The following STK17B variants were observed in gnomAD, a reference collection of about 807,000 sequenced individuals.
STK17B encodes serine/threonine kinase 17b, also known as serine/threonine-protein kinase 17B.
STK17B carries 21 observed loss-of-function variants against 42.0 expected under a neutral mutation model. The observed-to-expected ratio is 0.50, with a 90% CI of 0.35 to 0.72. The LOEUF (loss-of-function observed/expected upper bound fraction) is 0.72. Among genes scored for constraint, STK17B ranks in the 30% least tolerant of loss-of-function variants. STK17B has a pLI of 0.00. For synonymous variants in STK17B, 143 were observed against 148.4 expected, an observed-to-expected ratio of 0.96 and a Z score of 0.26; for missense variants, 349 against 446.0, an observed-to-expected ratio of 0.78 and a Z score of 1.96.
intron 3 of STK17B, among the ~76,000 whole-genome samples, chr2:196,150,439 A>C (rs1192091220): frequency 2.0e-5 from 3 of 152,226 alleles, no homozygotes; most frequent in Non-Finnish European, 4.4e-5. Context: ...CAGGTTACAC[A>C]GTCATGAAAA....
At chr2:196,173,686 G>A (rs566323869), upstream of STK17B, among the ~76,000 whole-genome samples, 29 of 152,246 alleles carry the variant, frequency 1.9e-4, no homozygotes, top group African/African-American at 6.0e-4. Context: ...TCATTCCCTT[G>A]AGTAGGAAAT....
Position 196,170,596 on chromosome 2 carries a change from G to A in STK17B, c.-45+737C>T, listed in dbSNP as rs75218828. Among the ~76,000 whole-genome samples, 1,496 of 152,216 alleles carry A rather than the reference G, an allele frequency of 9.8e-3. 25 individuals carry two copies. The highest frequency in any genetic ancestry group is 0.034 in the African/African-American group (1,395 of 41,530). On this transcript the variant is annotated intron_variant, in intron 1 of 7. Transcript: ENST00000263955. ...CTTCTCCCTCGGAGGAAATTCAAAT[G>A]AAACGCTTTTCCCTACAATAAAACA... is the stretch of plus-strand genomic sequence containing the variant.
chr2:196,146,494 A>T (rs534853945), intron 3 of STK17B, among the ~76,000 whole-genome samples: 62 of 152,028 alleles, frequency 4.1e-4, no homozygotes, highest in African/African-American at 1.5e-3. Flanking sequence ...ACAGAGCAAG[A>T]CTCCGTCCCC....
At chr2:196,160,106 G>T (rs1699792182) in intron 2 of STK17B, among the ~76,000 whole-genome samples, 1 of 152,138 alleles carries the variant, frequency 6.6e-6, no homozygotes, top group Non-Finnish European at 1.5e-5. Context: ...AAACATTTAA[G>T]AAAAGTTAAA....
intron 3 of STK17B, chr2:196,153,688 A>C (rs1045399641): frequency 6.6e-6 from 1 of 152,164 alleles, no homozygotes; most frequent in Non-Finnish European, 1.5e-5. Flanking sequence ...TTTGGTGTGC[A>C]TAAAGCAAGG....
At position 196,138,972 on chromosome 2, in the gene STK17B, T is replaced by A. The variant is rs74264943; in HGVS notation, c.836+648A>T. Among the ~76,000 whole-genome samples the A allele has an allele frequency of 9.6e-3, 1,457 of 152,180 alleles. 32 individuals carry two copies. The highest frequency in any genetic ancestry group is 0.07 in the East Asian group (359 of 5,126). ...TTATGTATGTAAAATTATTTTATTT[T>A]ATTTATTTTTTTGAGACGGAGTCTT... is the stretch of plus-strand genomic sequence containing the variant. On this transcript the variant is annotated intron_variant, in intron 7 of 7. Coordinates refer to ENST00000263955, the MANE Select transcript of STK17B (RefSeq NM_004226.4).
chr2:196,140,481 CA>C (rs34814820), intron 6 of STK17B, among the ~76,000 whole-genome samples: 72,983 of 151,042 alleles, frequency 0.48, 20,204 homozygotes, highest in South Asian at 0.64. Context: ...TGGCTAGCTA[CA>C]AAAACTCATA....
chr2:196,149,838 T>C (rs1371390869), intron 3 of STK17B, among the ~76,000 whole-genome samples: 4 of 152,202 alleles, frequency 2.6e-5, no homozygotes, highest in Non-Finnish European at 4.4e-5. Context: ...TGGGTGTTAC[T>C]TTTATAATCA....
rs547004074 is a variant in STK17B at position 196,150,693 on chromosome 2, G to A, written c.336-4638C>T. The stretch of plus-strand genomic sequence containing the variant: ...TAGTCATATAGCTTTGAAAAGCCAT[G>A]GTAAAGATTTTTAAAATAAGCATTT... On this transcript the variant is annotated intron_variant, in intron 3 of 7. Transcript: ENST00000263955. Among the ~76,000 whole-genome samples, 3 of 152,180 alleles carry A rather than the reference G, an allele frequency of 2.0e-5. No homozygotes were observed. The East Asian group carries it at 5.8e-4, about 29-fold the overall frequency.
At chr2:196,156,717 T>C (rs1264301766) in intron 2 of STK17B, 66 bp from the exon 3 acceptor site, 3 of 1,199,710 alleles carry the variant, frequency 2.5e-6, no homozygotes, top group African/African-American at 1.5e-5. Flanking sequence ...ATATTACAGA[T>C]TCTGTTATAC....
chr2:196,156,423 T>C lies in STK17B; in HGVS notation c.335+16A>G. ...TTCATACCAACTAAAATAGGTACTA[T>C]TTAGTATATACTTACTATTCCAATA... On this transcript the variant is annotated intron_variant, in intron 3 of 7. Coordinates refer to ENST00000263955, the MANE Select transcript of STK17B (RefSeq NM_004226.4). 2 of 1,565,196 alleles carry C rather than the reference T, an allele frequency of 1.3e-6. No individual in the cohort carries two copies. The highest frequency in any genetic ancestry group is 1.4e-5 in the African/African-American group (1 of 73,756).
rs1699400107 is a variant in STK17B at position 196,136,100 on chromosome 2, A to C, written c.*1347T>G. On this transcript the variant is annotated 3_prime_UTR_variant, in exon 8 of 8. Coordinates refer to ENST00000263955, the MANE Select transcript of STK17B (RefSeq NM_004226.4). ...GTTAAAGGTCTAAAGGGGGAACATCAGGTTGTTGTTACCATTTGTCAAACT... is the reference window on the plus strand; with the variant it reads ...GTTAAAGGTCTAAAGGGGGAACATCCGGTTGTTGTTACCATTTGTCAAACT... The C allele has an allele frequency of 6.6e-6, 1 of 152,234 alleles. No individual in the cohort carries two copies. The highest frequency in any genetic ancestry group is 1.5e-5 in the Non-Finnish European group (1 of 68,044). The allele number at this position is 152,234 out of a possible 1,614,324, so 9.4% of individuals were successfully genotyped here.
intron 7 of STK17B, 82 bp from the exon 8 acceptor site, chr2:196,137,811 T>C (rs189269729): frequency 1.4e-6 from 2 of 1,446,652 alleles, no homozygotes; most frequent in African/African-American, 2.9e-5. Flanking sequence ...TATAGACATA[T>C]TTTTTACTTC....
intron 3 of STK17B, chr2:196,154,812 T>C (rs573742848): frequency 6.6e-6 from 1 of 152,220 alleles, no homozygotes; most frequent in Non-Finnish European, 1.5e-5. Flanking sequence ...GGCATAGTAA[T>C]TAAGCCGAAG....
intron 3 of STK17B, 35 bp from the exon 4 acceptor site, chr2:196,146,090 T>C (rs746948006): frequency 1.3e-6 from 2 of 1,542,052 alleles, no homozygotes; most frequent in Non-Finnish European, 8.7e-7. Context: ...GACTTGAAAA[T>C]TCATTCACCT....
chr2:196,145,028 C>T (rs2105684249), intron 4 of STK17B, among the ~76,000 whole-genome samples: 1 of 151,570 alleles, frequency 6.6e-6, no homozygotes, highest in South Asian at 2.1e-4. Context: ...CAACAGGAAG[C>T]TGGTGGGAGC....
chr2:196,146,493 G>GA (rs1699577750), intron 3 of STK17B, among the ~76,000 whole-genome samples: 4 of 151,992 alleles, frequency 2.6e-5, no homozygotes. Context: ...TACAGAGCAA[G>GA]ACTCCGTCCC....
chr2:196,134,752 T>C lies in STK17B; in HGVS notation c.*2695A>G, dbSNP rs1395944140. On this transcript the variant is annotated 3_prime_UTR_variant, in exon 8 of 8. Coordinates refer to ENST00000263955, the MANE Select transcript of STK17B (RefSeq NM_004226.4). Reference sequence around the variant, plus strand: ...CCTACCCAAAAAGCAAATTTAACTTTAAATTATCACAACATAACACTTATC... The same window carrying C: ...CCTACCCAAAAAGCAAATTTAACTTCAAATTATCACAACATAACACTTATC... The C allele has an allele frequency of 6.6e-6, 1 of 152,250 alleles. No individual in the cohort carries two copies. Among genetic ancestry groups the C allele is most frequent in the African/African-American group, 2.4e-5 (1 of 41,474 alleles). The allele number at this position is 152,250 out of a possible 1,614,324, so 9.4% of individuals were successfully genotyped here. A position where few individuals can be genotyped will look rare whatever the true frequency, so the allele number is the denominator to read the frequency against.
intron 5 of STK17B, 32 bp from the exon 6 acceptor site, chr2:196,141,329 T>C: frequency 3.9e-6 from 6 of 1,541,352 alleles, no homozygotes; most frequent in African/African-American, 1.4e-5. Context: ...AAATTCAATA[T>C]TGACAAATTT....
Sources: allele counts gnomAD v4.1 joint callset (sites outside exome capture counted in the v4.1 genomes callset), GRCh38; gene constraint gnomAD v4.1.1; transcripts MANE v1.5; gene names NCBI Gene and HGNC (gene_info 2026-07-23, HGNC 2026-07-21).